Variants in EXOC2 observed in about 807,000 individuals in gnomAD.
EXOC2 encodes the protein SEC5-like 1.
Under a neutral mutation model 131.8 loss-of-function variants are expected in EXOC2, and 70 were observed. The ratio of observed to expected loss-of-function variants is 0.53; its 90% CI spans 0.44 to 0.65. The LOEUF is 0.65. Among genes scored for constraint, EXOC2 ranks in the 30% least tolerant of loss-of-function variants. The pLI is 0.00. For missense variants in EXOC2, 923 were observed against 1,108.6 expected (o/e 0.83, Z 2.38); for synonymous variants, 411 against 398.4 (o/e 1.03, Z -0.38).
chr6:547,667 A>G (rs1379219737), intron 22 of EXOC2, among the ~76,000 whole-genome samples: 3 of 152,222 alleles, frequency 2.0e-5, no homozygotes, highest in African/African-American at 7.2e-5. Context: ...AAATGTTATC[A>G]TCTAAATCTA....
At position 539,391 on chromosome 6, in the gene EXOC2, G is replaced by A. The variant is rs549769999; in HGVS notation, c.2239-6781C>T. Reference sequence around the variant, plus strand: ...ATACTCAACAACATTTCCATCTCACGCACCGGCACTGATGCCAGCCAGTGC... The same window carrying A: ...ATACTCAACAACATTTCCATCTCACACACCGGCACTGATGCCAGCCAGTGC... On this transcript the variant is annotated intron_variant, in intron 22 of 27. Transcript: ENST00000230449. Among the ~76,000 whole-genome samples the A allele has an allele frequency of 9.7e-4, 147 of 152,108 alleles. 1 individual carries two copies. Among genetic ancestry groups the A allele is most frequent in the African/African-American group, 3.4e-3 (139 of 41,482 alleles).
chr6:557,849 C>G (rs1183382164), intron 17 of EXOC2, among the ~76,000 whole-genome samples: 3 of 152,056 alleles, frequency 2.0e-5, no homozygotes, highest in Non-Finnish European at 4.4e-5. Flanking sequence ...ACTGGGAAAG[C>G]AGGAGCACAG....
At chr6:631,846 T>G (rs981474922) in intron 3 of EXOC2, among the ~76,000 whole-genome samples, 1 of 152,188 alleles carries the variant, frequency 6.6e-6, no homozygotes, top group Non-Finnish European at 1.5e-5. Context: ...ATATATAAAG[T>G]CCACTCTGAA....
At chr6:650,030 C>T (rs559473172) in intron 1 of EXOC2, among the ~76,000 whole-genome samples, 106 of 152,166 alleles carry the variant, frequency 7.0e-4, no homozygotes, top group Non-Finnish European at 1.4e-3. Context: ...TTCCTTCCTG[C>T]CTGCAAGAGC....
chr6:652,170 C>T (rs1762865156), intron 1 of EXOC2, among the ~76,000 whole-genome samples: 1 of 151,970 alleles, frequency 6.6e-6, no homozygotes, highest in Admixed American at 6.5e-5. Flanking sequence ...AAAGAGCATA[C>T]ACTATACCTC....
intron 22 of EXOC2, among the ~76,000 whole-genome samples, chr6:536,657 TA>T (rs1766461269): frequency 6.6e-6 from 1 of 152,098 alleles, no homozygotes; most frequent in East Asian, 1.9e-4. Flanking sequence ...TATAAACCTA[TA>T]ATAAATAAAA....
chr6:501,163 A>AT lies in EXOC2; in HGVS notation c.2381-1464dup, dbSNP rs1764065639. 4.6e-5 allele frequency among the ~76,000 whole-genome samples: 2 copies of AT among 43,744 alleles called. 1 individual carries two copies. The highest frequency in any genetic ancestry group is 8.3e-5 in the Non-Finnish European group (2 of 24,028). The allele number at this position is 43,744 out of a possible 152,430, so 28.7% of individuals were successfully genotyped here. A position where few individuals can be genotyped will look rare whatever the true frequency, so the allele number is the denominator to read the frequency against. ...CTATATATATTATATATATCTATAT[A>AT]TATTATATATATCTATATATTATAT... On this transcript the variant is annotated intron_variant, in intron 23 of 27. Coordinates refer to ENST00000230449, the MANE Select transcript of EXOC2 (RefSeq NM_018303.6).
chr6:570,941 C>T (rs1247413580), intron 13 of EXOC2, among the ~76,000 whole-genome samples: 1 of 152,186 alleles, frequency 6.6e-6, no homozygotes, highest in Admixed American at 6.5e-5. Flanking sequence ...GTGCAGAGGG[C>T]AAGGGGGACC....
intron 10 of EXOC2, among the ~76,000 whole-genome samples, chr6:594,777 T>C (rs1182623459): frequency 6.6e-6 from 1 of 152,210 alleles, no homozygotes; most frequent in East Asian, 1.9e-4. Context: ...CTAGACTCAG[T>C]TCAAAAGCAT....
intron 23 of EXOC2, among the ~76,000 whole-genome samples, chr6:523,177 G>A (rs985374462): frequency 2.6e-5 from 4 of 152,202 alleles, no homozygotes; most frequent in African/African-American, 9.7e-5. Context: ...GGGACATTTA[G>A]AGCCTCTGCT....
rs112606289 is a variant in EXOC2, at chr6:671,351, C to CAA, written c.-44+21666_-44+21667dup. On this transcript the variant is annotated intron_variant, in intron 1 of 27. Transcript: ENST00000230449. ...GACTGTCTCAAAACAACAACAACAA[C>CAA]AACAAAAAAAAACAAAAAAAGAAAA... Among the ~76,000 whole-genome samples, 247 of 147,250 alleles carry CAA rather than the reference C, an allele frequency of 1.7e-3. 1 individual carries two copies. The highest frequency in any genetic ancestry group is 5.3e-3 in the South Asian group (25 of 4,716).
At chr6:637,664 C>A (rs376495722) in intron 2 of EXOC2, 37 bp downstream of exon 2, 5 of 1,511,208 alleles carry the variant, frequency 3.3e-6, no homozygotes, top group Non-Finnish European at 4.5e-6. Context: ...CATAAAAATC[C>A]GATTAGCAGG....
intron 11 of EXOC2, among the ~76,000 whole-genome samples, chr6:581,424 T>C (rs1758895361): frequency 6.6e-6 from 1 of 152,216 alleles, no homozygotes; most frequent in Non-Finnish European, 1.5e-5. Flanking sequence ...TGAGTGCTTG[T>C]AAGATCAAAA....
Position 677,575 on chromosome 6 carries a change from T to C in EXOC2, c.-44+15444A>G, listed in dbSNP as rs1333129758. The stretch of plus-strand genomic sequence containing the variant: ...AGTCTGCCTCCTGGGTTCAAGCGAT[T>C]CTCCTGCCTCAGCCTCCTGAGTAGC... On this transcript the variant is annotated intron_variant, in intron 1 of 27. Transcript: ENST00000230449. Among the ~76,000 whole-genome samples the C allele has an allele frequency of 2.0e-5, 3 of 152,148 alleles. No homozygotes were observed. The East Asian group carries it at 5.8e-4, about 29-fold the overall frequency.
At chr6:577,845 C>A (rs1026025545) in intron 11 of EXOC2, among the ~76,000 whole-genome samples, 1 of 152,208 alleles carries the variant, frequency 6.6e-6, no homozygotes, top group African/African-American at 2.4e-5. Context: ...TCCATTTAAA[C>A]CCACATCCTG....
intron 7 of EXOC2, among the ~76,000 whole-genome samples, chr6:600,070 G>A (rs1012073874): frequency 3.9e-5 from 6 of 152,128 alleles, no homozygotes; most frequent in African/African-American, 1.4e-4. Flanking sequence ...ATCTGGTCTA[G>A]TGACTATACT....
chr6:517,363 G>T (rs1333509097), intron 23 of EXOC2, among the ~76,000 whole-genome samples: 3 of 151,882 alleles, frequency 2.0e-5, no homozygotes, highest in African/African-American at 7.3e-5. Context: ...CAACTACAAT[G>T]AATTGAAGCT....
At chr6:659,781 CA>C (rs2127757534) in intron 1 of EXOC2, among the ~76,000 whole-genome samples, 1 of 152,304 alleles carries the variant, frequency 6.6e-6, no homozygotes, top group South Asian at 2.1e-4. Context: ...GCCTGAGGAG[CA>C]GGGGGTACAA....
rs748118840 is a variant in EXOC2 at position 486,770 on chromosome 6, G to A, written c.2682-6C>T. On this transcript the variant is annotated splice_polypyrimidine_tract_variant and splice_region_variant and intron_variant, in intron 27 of 27. Coordinates refer to ENST00000230449, the MANE Select transcript of EXOC2 (RefSeq NM_018303.6). ...TCAGGAGCTCTTCCAGTAACCTGCA[G>A]GACGGAGACACTTGTTTTACAGCCC... 1.9e-6 allele frequency: 3 copies of A among 1,612,406 alleles called. No homozygotes were observed. The highest frequency in any genetic ancestry group is 8.5e-7 in the Non-Finnish European group (1 of 1,178,684).
Sources: gnomAD v4.1 joint callset for allele counts (sites outside exome capture counted in the v4.1 genomes callset) on GRCh38, gnomAD v4.1.1 for gene constraint, MANE v1.5 for transcripts, NCBI Gene and HGNC (gene_info 2026-07-23, HGNC 2026-07-21) for gene names.